Variants in KLK6 observed in about 807,000 individuals in gnomAD.
KLK6 encodes kallikrein related peptidase 6.
Under a neutral mutation model 21.7 loss-of-function variants are expected in KLK6, and 16 were observed. The ratio of observed to expected loss-of-function variants is 0.74; its 90% CI spans 0.50 to 1.12. The LOEUF (loss-of-function observed/expected upper bound fraction) is 1.12, where lower values mean the gene tolerates loss of function less well. Among genes scored for constraint, KLK6 ranks in the 50% most tolerant of loss-of-function variants. The pLI, the probability that KLK6 is intolerant of heterozygous loss-of-function variation, is 0.00. For synonymous variants in KLK6, 116 were observed against 120.1 expected (o/e 0.97, Z 0.22); for missense variants, 276 against 304.6 (o/e 0.91, Z 0.70).
At position 50,959,135 on chromosome 19, in the gene KLK6, G is replaced by C. The variant is rs375130402; in HGVS notation, c.*29C>G. ...TCTGGAACCAGCCAGTGGGGTGGTA[G>C]GTCGGGAGGTAGATGTCACATGTCA... On this transcript the variant is annotated 3_prime_UTR_variant, in exon 7 of 7. Coordinates refer to ENST00000310157, the MANE Select transcript of KLK6 (RefSeq NM_002774.4). 9.3e-6 allele frequency: 15 copies of C among 1,613,484 alleles called. No individual in the cohort carries two copies. Among genetic ancestry groups the C allele is most frequent in the African/African-American group, 1.3e-5 (1 of 74,914 alleles).
chr19:50,961,088 T>C (rs1485715420), intron 6 of KLK6, among the ~76,000 whole-genome samples: 4 of 131,778 alleles, frequency 3.0e-5, no homozygotes, highest in African/African-American at 5.9e-5. Flanking sequence ...TTAGTAGAGA[T>C]AGGGTTTCAC....
intron 4 of KLK6, among the ~76,000 whole-genome samples, chr19:50,965,567 C>A (rs2090912945): frequency 6.6e-6 from 1 of 152,194 alleles, no homozygotes; most frequent in African/African-American, 2.4e-5. Context: ...CGTGAGCCAC[C>A]ATGCCCAGCC....
intron 4 of KLK6, 41 bp downstream of exon 4, chr19:50,967,128 G>A: frequency 6.2e-7 from 1 of 1,611,764 alleles, no homozygotes; most frequent in East Asian, 2.2e-5. Flanking sequence ...ACACCCTCAG[G>A]GTTCAGTCGC....
chr19:50,959,109 T>C lies in KLK6; in HGVS notation c.*55A>G. ...GGAGGCAAGGTCTAGGTGAGAGACG[T>C]TCTGGAACCAGCCAGTGGGGTGGTA... On this transcript the variant is annotated 3_prime_UTR_variant, in exon 7 of 7. Transcript: ENST00000310157. 1 of 1,605,594 alleles carries C rather than the reference T, an allele frequency of 6.2e-7. No homozygotes were observed. Among genetic ancestry groups the C allele is most frequent in the South Asian group, 1.1e-5 (1 of 90,556 alleles).
chr19:50,961,630 C>T, intron 6 of KLK6, 114 bp downstream of exon 6: 2 of 1,295,036 alleles, frequency 1.5e-6, no homozygotes, highest in Non-Finnish European at 2.1e-6. Context: ...CTGTCTCTAT[C>T]TGTCTCTGTA....
intron 5 of KLK6, chr19:50,962,107 T>C (rs944804213): frequency 6.2e-6 from 3 of 481,472 alleles, no homozygotes; most frequent in Non-Finnish European, 1.1e-5. Flanking sequence ...GTCTTCCTCA[T>C]TAATAGTCTC....
At chr19:50,965,812 T>G (rs1222031359) in intron 4 of KLK6, among the ~76,000 whole-genome samples, 1 of 152,136 alleles carries the variant, frequency 6.6e-6, no homozygotes, top group African/African-American at 2.4e-5. Context: ...GCACCTCAGT[T>G]TCCTCATTTG....
At chr19:50,963,667 G>T in intron 4 of KLK6, 118 bp from the exon 5 acceptor site, 1 of 1,170,154 alleles carries the variant, frequency 8.5e-7, no homozygotes, top group Non-Finnish European at 1.2e-6. Flanking sequence ...CCCCAGCTGG[G>T]TAAATGGCAA....
chr19:50,964,285 T>A (rs898631768), intron 4 of KLK6, among the ~76,000 whole-genome samples: 1 of 152,184 alleles, frequency 6.6e-6, no homozygotes, highest in Non-Finnish European at 1.5e-5. Flanking sequence ...AGTTGCCCAA[T>A]TAAAATACAA....
Position 50,967,218 on chromosome 19 carries a change from C to G in KLK6, c.148G>C (p.Val50Leu), listed in dbSNP as rs1447273759. ...AGGACCCACAGTGGATGGATAAGGA[C>G]CCCACCACAGAGCAAGTGGCCCGAG... ...YTSGHLLCGG[V>L]LIHPLWVLTA... Residue 50 changes from valine (V) to leucine (L), a missense_variant, in exon 4 of 7, where the codon GTC becomes CTC. Coordinates refer to ENST00000310157, the MANE Select transcript of KLK6 (RefSeq NM_002774.4). The G allele has an allele frequency of 1.9e-6, 3 of 1,614,078 alleles. No individual in the cohort carries two copies. Among genetic ancestry groups the G allele is most frequent in the Non-Finnish European group, 2.5e-6 (3 of 1,180,008 alleles).
Position 50,963,007 on chromosome 19 carries a change from G to A in KLK6, c.445+295C>T, listed in dbSNP as rs773615698. Reference sequence around the variant, plus strand: ...CCCTTTGACCTTTGACATCCTTCCTGATTAGCATCTCCCCACTGACCTTCC... The same window carrying A: ...CCCTTTGACCTTTGACATCCTTCCTAATTAGCATCTCCCCACTGACCTTCC... On this transcript the variant is annotated intron_variant, in intron 5 of 6. Transcript: ENST00000310157. Among the ~76,000 whole-genome samples, 41 of 152,016 alleles carry A rather than the reference G, an allele frequency of 2.7e-4. 1 individual carries two copies. Among genetic ancestry groups the A allele is most frequent in the Admixed American group, 6.6e-5 (1 of 15,254 alleles).
chr19:50,962,234 T>G, intron 5 of KLK6: 1 of 234,194 alleles, frequency 4.3e-6, no homozygotes, highest in Non-Finnish European at 8.3e-6. Flanking sequence ...TGGAGGACTC[T>G]TCCTCTGTTA....
At chr19:50,960,017 G>GGAGGAGGAGGAC in intron 6 of KLK6, among the ~76,000 whole-genome samples, 1 of 58,408 alleles carries the variant, frequency 1.7e-5, no homozygotes, top group South Asian at 7.7e-4. Flanking sequence ...AAGAGGAGAA[G>GGAGGAGGAGGAC]GAGGAGGAGG....
intron 4 of KLK6, among the ~76,000 whole-genome samples, chr19:50,966,534 C>T (rs531459277): frequency 2.0e-5 from 3 of 152,342 alleles, no homozygotes; most frequent in Non-Finnish European, 2.9e-5. Flanking sequence ...GTGGTGGTGG[C>T]TCATGCCTGT....
chr19:50,964,466 C>T (rs1180862836), intron 4 of KLK6, among the ~76,000 whole-genome samples: 1 of 152,106 alleles, frequency 6.6e-6, no homozygotes, highest in African/African-American at 2.4e-5. Context: ...GCCATGATCT[C>T]GATCTGCACT....
intron 2 of KLK6, 96 bp downstream of exon 2, chr19:50,968,445 T>G: frequency 2.6e-6 from 1 of 384,126 alleles, no homozygotes; most frequent in Non-Finnish European, 4.9e-6. Context: ...CCTAGCGTTC[T>G]TCCTCTGTAT....
At chr19:50,966,877 C>T (rs188811315) in intron 4 of KLK6, among the ~76,000 whole-genome samples, 300 of 152,326 alleles carry the variant, frequency 2.0e-3, no homozygotes, top group Non-Finnish European at 2.8e-3. Flanking sequence ...AAATGCCCAT[C>T]ACGCCCTGCA....
At chr19:50,963,266 C>T (rs771374913) in intron 5 of KLK6, 36 bp downstream of exon 5, 2 of 1,594,666 alleles carry the variant, frequency 1.3e-6, no homozygotes, top group Non-Finnish European at 1.7e-6. Context: ...CCCAAGTAGC[C>T]AGTAGCCTGC....
chr19:50,963,267 A>G, intron 5 of KLK6, 35 bp downstream of exon 5: 1 of 1,595,578 alleles, frequency 6.3e-7, no homozygotes, highest in Non-Finnish European at 8.6e-7. Flanking sequence ...CCAAGTAGCC[A>G]GTAGCCTGCT....
Sources: allele counts gnomAD v4.1 joint callset (sites outside exome capture counted in the v4.1 genomes callset), GRCh38; gene constraint gnomAD v4.1.1; transcripts MANE v1.5; gene names NCBI Gene and HGNC (gene_info 2026-07-23, HGNC 2026-07-21).